ARHGEF7: variants seen among roughly 807,000 people sequenced by gnomAD.
The protein encoded by ARHGEF7 is PAK-interacting exchange factor beta.
Under a neutral mutation model 109.8 loss-of-function variants are expected in ARHGEF7, and 33 were observed. The ratio of observed to expected loss-of-function variants is 0.30; its 90% CI spans 0.23 to 0.40. The LOEUF (loss-of-function observed/expected upper bound fraction) is 0.40, where lower values mean the gene tolerates loss of function less well. Ranked by LOEUF, ARHGEF7 falls within the 10% of genes least tolerant of loss-of-function variation. The pLI, the probability that ARHGEF7 is intolerant of heterozygous loss-of-function variation, is 1.00. For synonymous variants in ARHGEF7, 458 were observed against 424.6 expected (o/e 1.08, Z -0.97); for missense variants, 938 against 1,098.5 (o/e 0.85, Z 2.07).
intron 6 of ARHGEF7, chr13:111,240,995 A>T: frequency 4.6e-6 from 3 of 652,606 alleles, no homozygotes; most frequent in Non-Finnish European, 7.2e-6. Flanking sequence ...TCCTTTAATG[A>T]TGCAACGAAT....
At chr13:111,195,170 T>G (rs1262198667) in intron 2 of ARHGEF7, among the ~76,000 whole-genome samples, 2 of 152,214 alleles carry the variant, frequency 1.3e-5, no homozygotes, top group Non-Finnish European at 2.9e-5. Context: ...GTGGGATCTT[T>G]TAGCCTGATT....
At chr13:111,116,495 T>C (rs831143) in intron 1 of ARHGEF7, 145,511 of 151,574 alleles carry the variant, frequency 0.96, 70,145 homozygotes, top group Non-Finnish European at 1. Flanking sequence ...GGCAGGAGAG[T>C]TTCTAAAAAC....
At chr13:111,159,904 G>T (rs1158775431) in intron 2 of ARHGEF7, among the ~76,000 whole-genome samples, 1 of 152,030 alleles carries the variant, frequency 6.6e-6, no homozygotes, top group Non-Finnish European at 1.5e-5. Flanking sequence ...GGTGCTTTTG[G>T]GGTCATATCC....
chr13:111,291,930 C>T (rs951594229), intron 18 of ARHGEF7, among the ~76,000 whole-genome samples, 188 bp from the exon 19 acceptor site: 3 of 152,084 alleles, frequency 2.0e-5, no homozygotes, highest in Non-Finnish European at 4.4e-5. Context: ...TTGCTAAGTT[C>T]GTTATTGTGA....
chr13:111,221,434 GATATATATATCT>G (rs2084144638), intron 5 of ARHGEF7, among the ~76,000 whole-genome samples: 1 of 1,972 alleles, frequency 5.1e-4, no homozygotes, highest in African/African-American at 7.9e-4. Flanking sequence ...TCTATATATA[GATATATATATCT>G]ATATATATAG....
intron 1 of ARHGEF7, among the ~76,000 whole-genome samples, chr13:111,134,288 A>G (rs181668469): frequency 1.1e-4 from 17 of 152,308 alleles, no homozygotes; most frequent in African/African-American, 3.8e-4. Context: ...CATGATTTAT[A>G]TTCCTTTGGG....
At chr13:111,241,321 G>A in intron 6 of ARHGEF7, 2 of 1,536,212 alleles carry the variant, frequency 1.3e-6, no homozygotes, top group Non-Finnish European at 1.7e-6. Flanking sequence ...AGAAGACGAG[G>A]AGGGGAAGAA....
chr13:111,148,596 C>T (rs1022891764), intron 1 of ARHGEF7, among the ~76,000 whole-genome samples: 4 of 152,206 alleles, frequency 2.6e-5, no homozygotes, highest in East Asian at 1.9e-4. Context: ...CTGGTTGGGC[C>T]GTCCCATCTC....
At chr13:111,159,036 C>T in intron 2 of ARHGEF7, 2 of 718,522 alleles carry the variant, frequency 2.8e-6, no homozygotes, top group Non-Finnish European at 5.2e-6. Context: ...GCTCCTGTTT[C>T]CTCCTTCCCA....
At chr13:111,292,851 C>A in intron 19 of ARHGEF7, 2 of 991,768 alleles carry the variant, frequency 2.0e-6, no homozygotes, top group Non-Finnish European at 2.4e-6. Flanking sequence ...CGGCTGTGTT[C>A]TGGTAATCGT....
intron 19 of ARHGEF7, among the ~76,000 whole-genome samples, chr13:111,295,359 G>T (rs1183577420): frequency 6.6e-6 from 1 of 152,186 alleles, no homozygotes; most frequent in African/African-American, 2.4e-5. Flanking sequence ...TCTTAGATTA[G>T]CCGTGTTCTG....
intron 9 of ARHGEF7, among the ~76,000 whole-genome samples, chr13:111,269,775 C>T (rs532971004): frequency 4.6e-5 from 7 of 152,268 alleles, no homozygotes; most frequent in East Asian, 1.9e-4. Flanking sequence ...CGAGAGTTCC[C>T]GCTGTGTTGG....
At chr13:111,241,127 G>T in intron 6 of ARHGEF7, 1 of 1,521,596 alleles carries the variant, frequency 6.6e-7, no homozygotes, top group South Asian at 1.2e-5. Flanking sequence ...CATGCCTCGT[G>T]ACCCCCGGGA....
In ARHGEF7 at chr13:111,209,933, T is replaced by C. The variant is rs1454999035; in HGVS notation, c.399T>C (p.Phe133=). Residue 133 remains phenylalanine (F), a synonymous_variant, in exon 4 of 22, where the codon TTT becomes TTC. Transcript: ENST00000646102. The part of the protein sequence containing the change: ...ARPSSHRIKS[F]DSLGSQSLHT... ...CCTCGTCTCACCGCATAAAGTCTTT[T>C]GACTCCCTTGGATCACAGTCTTTGC... 1.2e-6 allele frequency: 2 copies of C among 1,614,242 alleles called. No homozygotes were observed. Among genetic ancestry groups the C allele is most frequent in the Admixed American group, 3.3e-5 (2 of 60,028 alleles).
chr13:111,276,250 G>T (rs1314653062), intron 12 of ARHGEF7, among the ~76,000 whole-genome samples: 4 of 152,134 alleles, frequency 2.6e-5, no homozygotes, highest in Non-Finnish European at 2.9e-5. Flanking sequence ...CACTGAACAG[G>T]CACCTCTTTC....
rs2075522766 is a variant in ARHGEF7 at position 111,145,061 on chromosome 13, G to T, written c.166-8844G>T. Among the ~76,000 whole-genome samples the T allele has an allele frequency of 6.6e-6, 1 of 151,356 alleles. No homozygotes were observed. Among genetic ancestry groups the T allele is most frequent in the South Asian group, 2.1e-4 (1 of 4,804 alleles). ...TTTTTTTTTAAAAACACAAAAGGTA[G>T]ATATTATCCACGGTGTTCCCCACGT... is the stretch of plus-strand genomic sequence containing the variant. On this transcript the variant is annotated intron_variant, in intron 1 of 21. Coordinates refer to ENST00000646102, the MANE Select transcript of ARHGEF7 (RefSeq NM_001354046.2). The surrounding 1 kb of genome is among the most constrained non-coding windows in gnomAD (Gnocchi z 4.3).
At chr13:111,245,784 A>G (rs1046349382) in intron 8 of ARHGEF7, among the ~76,000 whole-genome samples, 14 of 152,226 alleles carry the variant, frequency 9.2e-5, no homozygotes, top group African/African-American at 2.9e-4. Flanking sequence ...AAATTGCTCA[A>G]ATTTGCCTTT....
intron 2 of ARHGEF7, among the ~76,000 whole-genome samples, chr13:111,170,813 C>T (rs1343405775): frequency 6.6e-6 from 1 of 152,166 alleles, no homozygotes; most frequent in Admixed American, 6.5e-5. Flanking sequence ...AATGGGAGAC[C>T]TGCTTGTTGG....
rs2085562219 is a variant in ARHGEF7 at position 111,228,699 on chromosome 13, A to T, written c.671-4506A>T. 6.6e-6 allele frequency among the ~76,000 whole-genome samples: 1 copy of T among 152,102 alleles called. No homozygotes were observed. Among genetic ancestry groups the T allele is most frequent in the African/African-American group, 2.4e-5 (1 of 41,420 alleles). ...GGTGCATGTGGTTCAGGAAAGCGGC[A>T]GGCAGACACTGCTGAGCACGGGCAG... On this transcript the variant is annotated intron_variant, in intron 5 of 21. Transcript: ENST00000646102. The surrounding 1 kb of genome is among the most constrained non-coding windows in gnomAD (Gnocchi z 4.6).
Sources: gnomAD v4.1 joint callset for allele counts (sites outside exome capture counted in the v4.1 genomes callset) on GRCh38, gnomAD v4.1.1 for gene constraint, Gnocchi (gnomAD v3.1) non-coding constraint, MANE v1.5 for transcripts, NCBI Gene and HGNC (gene_info 2026-07-23, HGNC 2026-07-21) for gene names.